Variants in PDE6C observed in about 807,000 individuals in gnomAD.
The protein encoded by PDE6C is phosphodiesterase 6C, also known as cone cGMP-specific 3',5'-cyclic phosphodiesterase subunit alpha'.
In PDE6C, 75 loss-of-function variants were observed where a neutral mutation model predicts 113.1. That is an observed-to-expected ratio of 0.66 (90% confidence interval 0.55 to 0.80). The LOEUF is 0.80. PDE6C is among the 30% of genes least tolerant of loss of function. The probability of loss-of-function intolerance (pLI) is 0.00; values close to 1 mark genes in which losing one functional copy is unlikely to be tolerated. For synonymous variants in PDE6C, 375 were observed against 363.7 expected, an observed-to-expected ratio of 1.03 and a Z score of -0.35; for missense variants, 912 against 1,038.6, an observed-to-expected ratio of 0.88 and a Z score of 1.67.
intron 1 of PDE6C, among the ~76,000 whole-genome samples, chr10:93,616,007 G>A (rs1020936968): frequency 1.3e-5 from 2 of 152,182 alleles, no homozygotes; most frequent in East Asian, 1.9e-4. Context: ...TGCTTTAGCC[G>A]CTGCAGTAAG....
At chr10:93,634,679 T>C (rs1469313142) in intron 8 of PDE6C, 79 bp from the exon 9 acceptor site, 26 of 1,471,440 alleles carry the variant, frequency 1.8e-5, no homozygotes, top group Non-Finnish European at 3.8e-6. Context: ...GTACATTTCT[T>C]TTGTAATATC....
chr10:93,631,554 G>A (rs2058501678), intron 8 of PDE6C, among the ~76,000 whole-genome samples: 5 of 152,132 alleles, frequency 3.3e-5, no homozygotes, highest in Admixed American at 3.3e-4. Flanking sequence ...GGTCGGGACT[G>A]CATCTCTGTC....
intron 4 of PDE6C, among the ~76,000 whole-genome samples, chr10:93,624,168 T>C (rs2058461372): frequency 6.6e-6 from 1 of 152,110 alleles, no homozygotes; most frequent in African/African-American, 2.4e-5. Context: ...AATGCCCTTG[T>C]GTCATCTTCT....
chr10:93,616,730 T>C (rs971255198), intron 1 of PDE6C, among the ~76,000 whole-genome samples: 1 of 145,818 alleles, frequency 6.9e-6, no homozygotes, highest in African/African-American at 2.6e-5. Context: ...CTCGGCTCAC[T>C]GCAACCTCTG....
At chr10:93,629,192 G>C in intron 7 of PDE6C, 66 bp from the exon 8 acceptor site, 2 of 1,288,528 alleles carry the variant, frequency 1.6e-6, no homozygotes, top group South Asian at 2.4e-5. Flanking sequence ...TTCTTATTCT[G>C]CTTTGTGGAT....
chr10:93,656,507 G>A (rs1238860223), intron 16 of PDE6C, among the ~76,000 whole-genome samples: 1 of 152,034 alleles, frequency 6.6e-6, no homozygotes, highest in African/African-American at 2.4e-5. Context: ...ATATTCAGTG[G>A]CTTGGGCATT....
intron 1 of PDE6C, among the ~76,000 whole-genome samples, chr10:93,617,610 C>G (rs1047073410): frequency 6.6e-6 from 1 of 152,080 alleles, no homozygotes; most frequent in African/African-American, 2.4e-5. Flanking sequence ...CCTGTCCCTA[C>G]TAAAAATACA....
chr10:93,663,169 G>A lies in PDE6C; in HGVS notation c.2509G>A (p.Ala837Thr). Reference sequence around the variant, plus strand: ...GGAGGCAAAAAAGCAAGAAGGAGGAGCCGAAAAAGGTTAGATGGGCTCTGT... The same window carrying A: ...GGAGGCAAAAAAGCAAGAAGGAGGAACCGAAAAAGGTTAGATGGGCTCTGT... ...EEEAKKQEGG[A>T]EKAAEDSGGG... is the part of the protein sequence containing the mutation. Residue 837 changes from alanine (A) to threonine (T), a missense_variant, in exon 21 of 22, where the codon GCC becomes ACC. Coordinates refer to ENST00000371447, the MANE Select transcript of PDE6C (RefSeq NM_006204.4). The A allele has an allele frequency of 1.9e-6, 3 of 1,613,454 alleles. No individual in the cohort carries two copies. The highest frequency in any genetic ancestry group is 2.5e-6 in the Non-Finnish European group (3 of 1,179,708).
At chr10:93,638,121 A>C (rs560020355) in intron 11 of PDE6C, among the ~76,000 whole-genome samples, 17 of 152,326 alleles carry the variant, frequency 1.1e-4, no homozygotes, top group African/African-American at 3.4e-4. Context: ...ATTCCTTCTG[A>C]TTGAAATGGA....
At position 93,638,558 on chromosome 10, in the gene PDE6C, T is replaced by C. The variant is rs148333513; in HGVS notation, c.1482+1495T>C. Among the ~76,000 whole-genome samples, 500 of 152,324 alleles carry C rather than the reference T, an allele frequency of 3.3e-3. 3 individuals are homozygous for C. The highest frequency in any genetic ancestry group is 2.5e-3 in the Non-Finnish European group (167 of 68,016). On this transcript the variant is annotated intron_variant, in intron 11 of 21. Transcript: ENST00000371447. The stretch of plus-strand genomic sequence containing the variant: ...CTTATTTAAAGGAAGAAGGATCTTA[T>C]GTTGTAGAAGCAATAAAGTGGACAA...
At chr10:93,621,189 C>T (rs2058444526) in intron 3 of PDE6C, among the ~76,000 whole-genome samples, 1 of 152,130 alleles carries the variant, frequency 6.6e-6, no homozygotes, top group Non-Finnish European at 1.5e-5. Context: ...CAATTGTGTA[C>T]ACAACTGGCT....
chr10:93,633,490 A>AAAAAAAAAAT (rs71485913), intron 8 of PDE6C, among the ~76,000 whole-genome samples: 1 of 129,344 alleles, frequency 7.7e-6, no homozygotes. Flanking sequence ...ATAAAAAAAA[A>AAAAAAAAAAT]TAAACAAGCT....
intron 1 of PDE6C, among the ~76,000 whole-genome samples, chr10:93,617,834 T>C (rs1458198135): frequency 6.6e-6 from 1 of 152,104 alleles, no homozygotes; most frequent in African/African-American, 2.4e-5. Flanking sequence ...TTTCTGGTAT[T>C]TCGATGATTC....
Position 93,662,722 on chromosome 10 carries a change from G to GA in PDE6C, c.2367+81dup. 3.8e-6 allele frequency: 3 copies of GA among 784,006 alleles called. No homozygotes were observed. In the South Asian group the frequency reaches 4.3e-5, roughly 11 times the overall value. 48.6% of individuals were successfully genotyped at this position (784,006 alleles called of 1,614,324 possible). On this transcript the variant is annotated intron_variant, in intron 20 of 21. Transcript: ENST00000371447. ...TCTTTCAAACTGTCACCAAAATTTA[G>GA]AAGTCACCCATACGGAAAGCCATTG... is the stretch of plus-strand genomic sequence containing the variant.
chr10:93,660,796 T>TAA (rs1472585555), intron 18 of PDE6C, among the ~76,000 whole-genome samples: 1 of 152,082 alleles, frequency 6.6e-6, no homozygotes, highest in East Asian at 1.9e-4. Context: ...CAAAATCATT[T>TAA]ATATCAGCCT....
intron 14 of PDE6C, among the ~76,000 whole-genome samples, chr10:93,642,885 C>T (rs191756020): frequency 6.6e-6 from 1 of 152,280 alleles, no homozygotes; most frequent in Admixed American, 6.5e-5. Context: ...GATCTCCATC[C>T]AGACTTGAGG....
At chr10:93,632,736 C>G (rs1275973389) in intron 8 of PDE6C, among the ~76,000 whole-genome samples, 1 of 152,194 alleles carries the variant, frequency 6.6e-6, no homozygotes, top group Non-Finnish European at 1.5e-5. Flanking sequence ...TCCAAAGATG[C>G]AGGCTTTGCA....
At chr10:93,627,414 C>T (rs763443849) in intron 7 of PDE6C, among the ~76,000 whole-genome samples, 61 of 152,238 alleles carry the variant, frequency 4.0e-4, no homozygotes, top group Non-Finnish European at 2.9e-4. Flanking sequence ...CTCCATCCCT[C>T]AATTTCTTAT....
At chr10:93,623,175 G>A (rs2058456713) in intron 4 of PDE6C, among the ~76,000 whole-genome samples, 1 of 152,170 alleles carries the variant, frequency 6.6e-6, no homozygotes, top group Non-Finnish European at 1.5e-5. Flanking sequence ...ATCAGTTGTG[G>A]TATCTCATTG....
Sources: allele counts gnomAD v4.1 joint callset (sites outside exome capture counted in the v4.1 genomes callset), GRCh38; gene constraint gnomAD v4.1.1; transcripts MANE v1.5; gene names NCBI Gene and HGNC (gene_info 2026-07-23, HGNC 2026-07-21).